The following UNC45B variants were observed in gnomAD, a reference collection of about 807,000 sequenced individuals.
UNC45B encodes protein unc-45 homolog B.
A neutral mutation model predicts 98.7 loss-of-function variants in UNC45B; 78 were observed. That is an observed-to-expected ratio of 0.79 (90% CI 0.66 to 0.95). The LOEUF (loss-of-function observed/expected upper bound fraction) is 0.95. Ranked by LOEUF, UNC45B falls within the 40% of genes least tolerant of loss-of-function variation. The pLI, the probability that UNC45B is intolerant of heterozygous loss-of-function variation, is 0.00. For missense variants in UNC45B, 1,225 were observed against 1,184.9 expected (o/e 1.03, Z -0.50); for synonymous variants, 462 against 480.4 (o/e 0.96, Z 0.50).
intron 2 of UNC45B, among the ~76,000 whole-genome samples, chr17:35,148,756 A>C (rs2091994921): frequency 6.6e-6 from 1 of 152,078 alleles, no homozygotes; most frequent in African/African-American, 2.4e-5. Context: ...AACTTGCCCA[A>C]GCTCTCCCAA....
intron 8 of UNC45B, among the ~76,000 whole-genome samples, 182 bp downstream of exon 8, chr17:35,159,727 G>A (rs1248411880): frequency 6.6e-6 from 1 of 152,148 alleles, no homozygotes; most frequent in Non-Finnish European, 1.5e-5. Context: ...TCAAGGCTCT[G>A]AATTCAGAGC....
At chr17:35,155,936 T>C (rs2092057832) in intron 7 of UNC45B, among the ~76,000 whole-genome samples, 1 of 152,160 alleles carries the variant, frequency 6.6e-6, no homozygotes, top group Admixed American at 6.6e-5. Context: ...TGCTAAAAGA[T>C]GGATACAACT....
At chr17:35,153,363 G>A (rs2092034588) in intron 5 of UNC45B, among the ~76,000 whole-genome samples, 1 of 151,938 alleles carries the variant, frequency 6.6e-6, no homozygotes, top group South Asian at 2.1e-4. Flanking sequence ...TATAATTTCG[G>A]CCCTAAGAAA....
intron 12 of UNC45B, 121 bp from the exon 13 acceptor site, chr17:35,171,201 C>G: frequency 7.8e-7 from 1 of 1,281,140 alleles, no homozygotes. Context: ...TCAGAATGGG[C>G]CCTACCAGCT....
intron 10 of UNC45B, among the ~76,000 whole-genome samples, chr17:35,169,316 A>G (rs910667355): frequency 1.6e-4 from 25 of 152,254 alleles, no homozygotes; most frequent in Non-Finnish European, 3.2e-4. Context: ...TGGGAGGATT[A>G]CAGGCGTGAG....
intron 14 of UNC45B, among the ~76,000 whole-genome samples, chr17:35,175,132 G>A (rs2092223937): frequency 6.7e-6 from 1 of 149,068 alleles, no homozygotes; most frequent in Non-Finnish European, 1.5e-5. Context: ...AGGAAAGGAA[G>A]GAAGGAAGGA....
At position 35,188,329 on chromosome 17, in the gene UNC45B, G is replaced by A. The variant is rs1259382964; in HGVS notation, c.*1770G>A. On this transcript the variant is annotated 3_prime_UTR_variant, in exon 20 of 20. Transcript: ENST00000394570. ...GCTTTCCTCATATGTGGGCTTGAGT[G>A]GGTGTATTTAGCTCCTTTAAAGGAA... The A allele has an allele frequency of 2.6e-5, 4 of 152,160 alleles. No individual in the cohort carries two copies. In the South Asian group the frequency reaches 8.3e-4, roughly 32 times the overall value. The allele number at this position is 152,160 out of a possible 1,614,324, so 9.4% of individuals were successfully genotyped here.
At chr17:35,170,080 C>T (rs966780414) in intron 11 of UNC45B, 34 bp from the exon 12 acceptor site, 2 of 1,601,580 alleles carry the variant, frequency 1.2e-6, no homozygotes, top group Non-Finnish European at 8.5e-7. Flanking sequence ...TAGCCCTGGG[C>T]CCCTTCCCAT....
intron 12 of UNC45B, among the ~76,000 whole-genome samples, chr17:35,170,524 G>A (rs540907377): frequency 7.7e-6 from 1 of 130,270 alleles, no homozygotes; most frequent in Admixed American, 8.2e-5. Context: ...AGGACCTGAG[G>A]CAGCTAAAAA....
At chr17:35,162,611 C>T (rs2092109703) in intron 8 of UNC45B, among the ~76,000 whole-genome samples, 1 of 150,256 alleles carries the variant, frequency 6.7e-6, no homozygotes, top group South Asian at 2.1e-4. Flanking sequence ...TTTTTTGAGA[C>T]AGAGTTTTGC....
At chr17:35,153,790 C>T (rs1238246126) in intron 5 of UNC45B, among the ~76,000 whole-genome samples, 3 of 150,456 alleles carry the variant, frequency 2.0e-5, no homozygotes, top group Non-Finnish European at 1.5e-5. Flanking sequence ...ATTCTCTAAT[C>T]AGCCCTCTCC....
intron 19 of UNC45B, among the ~76,000 whole-genome samples, chr17:35,185,346 T>C (rs937226165): frequency 6.6e-6 from 1 of 151,994 alleles, no homozygotes; most frequent in Non-Finnish European, 1.5e-5. Context: ...CTTGCTCTTT[T>C]GCCCAGGCTG....
At chr17:35,158,471 G>A (rs1348866992) in intron 7 of UNC45B, among the ~76,000 whole-genome samples, 2 of 152,264 alleles carry the variant, frequency 1.3e-5, no homozygotes, top group African/African-American at 4.8e-5. Context: ...CCCAGGGCCA[G>A]TGTTGGAGGA....
intron 8 of UNC45B, among the ~76,000 whole-genome samples, chr17:35,161,493 T>C (rs2092102180): frequency 6.6e-6 from 1 of 151,812 alleles, no homozygotes; most frequent in Non-Finnish European, 1.5e-5. Flanking sequence ...GGAGATGAGA[T>C]TGGAGAGGGG....
chr17:35,173,112 C>T (rs372043737), intron 13 of UNC45B, among the ~76,000 whole-genome samples: 4 of 147,248 alleles, frequency 2.7e-5, no homozygotes, highest in African/African-American at 7.6e-5. Flanking sequence ...TGGCCTAAAA[C>T]GCAATTTTTA....
chr17:35,161,488 T>C (rs1035170579), intron 8 of UNC45B, among the ~76,000 whole-genome samples: 14 of 151,690 alleles, frequency 9.2e-5, no homozygotes, highest in Non-Finnish European at 2.1e-4. Context: ...GACCGGGAGA[T>C]GAGATTGGAG....
chr17:35,173,972 T>C lies in UNC45B; in HGVS notation c.1831-270T>C, dbSNP rs28380709. 0.035 allele frequency among the ~76,000 whole-genome samples: 5,377 copies of C among 152,032 alleles called. 346 individuals are homozygous for C. Among genetic ancestry groups the C allele is most frequent in the African/African-American group, 0.12 (5,053 of 41,454 alleles). ...GACTACAGGTGCCCGCCACCACGCC[T>C]GGCTCATTTTTTGTATTTTCAGTAG... On this transcript the variant is annotated intron_variant, in intron 13 of 19. Transcript: ENST00000394570.
At chr17:35,150,768 C>G (rs758032386) in intron 4 of UNC45B, among the ~76,000 whole-genome samples, 11 of 151,180 alleles carry the variant, frequency 7.3e-5, no homozygotes, top group Admixed American at 4.0e-4. Flanking sequence ...CCCGCCCCCC[C>G]CAAAAAAATT....
At chr17:35,161,193 T>C (rs1207995368) in intron 8 of UNC45B, among the ~76,000 whole-genome samples, 1 of 152,214 alleles carries the variant, frequency 6.6e-6, no homozygotes, top group East Asian at 1.9e-4. Context: ...TAGAGAGCAG[T>C]ATTTTTTATT....
Sources: gnomAD v4.1 joint callset for allele counts (sites outside exome capture counted in the v4.1 genomes callset) on GRCh38, gnomAD v4.1.1 for gene constraint, MANE v1.5 for transcripts, NCBI Gene and HGNC (gene_info 2026-07-23, HGNC 2026-07-21) for gene names.